Variants in NCAM1 observed in about 807,000 individuals in gnomAD.
NCAM1 encodes antigen recognized by monoclonal antibody 5.1H11.
A neutral mutation model predicts 109.8 loss-of-function variants in NCAM1; 14 were observed. The ratio of observed to expected loss-of-function variants is 0.13; its 90% CI spans 0.08 to 0.20. The LOEUF is 0.20. Among genes scored for constraint, NCAM1 ranks in the 10% least tolerant of loss-of-function variants. NCAM1 has a pLI of 1.00. For missense variants in NCAM1, 774 were observed against 1,109.9 expected (o/e 0.70, Z 4.30); for synonymous variants, 418 against 442.9 (o/e 0.94, Z 0.70).
intron 1 of NCAM1, among the ~76,000 whole-genome samples, chr11:113,041,844 AC>A (rs1290523042): frequency 1.3e-5 from 2 of 151,978 alleles, no homozygotes; most frequent in Non-Finnish European, 2.9e-5. Context: ...GAAACACTTT[AC>A]CCCTTTACCT....
intron 1 of NCAM1, among the ~76,000 whole-genome samples, chr11:113,064,634 T>C (rs1316959882): frequency 6.6e-6 from 1 of 152,178 alleles, no homozygotes; most frequent in African/African-American, 2.4e-5. Flanking sequence ...CTGTCCCCAT[T>C]TTTTAGGTCA....
intron 18 of NCAM1, 129 bp downstream of exon 18, chr11:113,270,524 G>A: frequency 1.2e-6 from 1 of 837,408 alleles, no homozygotes; most frequent in Non-Finnish European, 1.9e-6. Context: ...TTGGAACCCT[G>A]ATGGGGGAAA....
chr11:113,214,937 T>C (rs1282110265), intron 8 of NCAM1, among the ~76,000 whole-genome samples: 2 of 152,236 alleles, frequency 1.3e-5, no homozygotes, highest in East Asian at 1.9e-4. Flanking sequence ...CTTTTTCTTG[T>C]GTTTGTATAC....
chr11:113,101,550 A>G (rs782322882), intron 1 of NCAM1, among the ~76,000 whole-genome samples: 7 of 151,396 alleles, frequency 4.6e-5, no homozygotes, highest in Non-Finnish European at 8.8e-5. Context: ...TTTTTCCCCC[A>G]TTTGCTTTCT....
chr11:113,051,137 G>T (rs868986923), intron 1 of NCAM1, among the ~76,000 whole-genome samples: 6 of 152,174 alleles, frequency 3.9e-5, no homozygotes, highest in Non-Finnish European at 8.8e-5. Context: ...AAGAGCATTT[G>T]TGGTACTTGT....
intron 1 of NCAM1, among the ~76,000 whole-genome samples, chr11:113,200,968 GTTTTCCCCTCTGA>G (rs1944036620): frequency 1.3e-5 from 2 of 152,066 alleles, no homozygotes; most frequent in Admixed American, 6.5e-5. Context: ...GGAAGTCTGG[GTTTTCCCCTCTGA>G]TTTTCACAGA....
intron 17 of NCAM1, among the ~76,000 whole-genome samples, chr11:113,267,639 C>A (rs969700423): frequency 5.9e-5 from 9 of 152,168 alleles, no homozygotes; most frequent in Non-Finnish European, 8.8e-5. Context: ...GAGTCTGCAG[C>A]AGATGGTGGG....
chr11:113,238,971 C>T (rs782354803), intron 14 of NCAM1, among the ~76,000 whole-genome samples: 3 of 152,170 alleles, frequency 2.0e-5, no homozygotes, highest in South Asian at 2.1e-4. Context: ...GCTTGAAGTT[C>T]GTTGAGATGT....
intron 1 of NCAM1, among the ~76,000 whole-genome samples, chr11:113,109,461 T>C (rs1439180658): frequency 5.9e-5 from 9 of 152,080 alleles, no homozygotes; most frequent in African/African-American, 2.2e-4. Flanking sequence ...TAGTGCTATG[T>C]GATGAGAGCA....
Position 113,009,316 on chromosome 11 carries a change from T to TTTTGTTGTTG in NCAM1, c.52+47655_52+47656insGTTGTTGTTT, listed in dbSNP as rs1320684872. Reference sequence around the variant, plus strand: ...TAATTGGAAGGGTTTTTTCGGGTTTTTTTTTTTTTTTTTTTTTTTTTTTTT... The same window carrying TTTTGTTGTTG: ...TAATTGGAAGGGTTTTTTCGGGTTTTTTTGTTGTTGTTTTTTTTTTTTTTTTTTTTTTTTT... On this transcript the variant is annotated intron_variant, in intron 1 of 19. Transcript: ENST00000316851. Among the ~76,000 whole-genome samples the TTTTGTTGTTG allele has an allele frequency of 5.0e-3, 500 of 99,134 alleles. 9 individuals are homozygous for TTTTGTTGTTG. The highest frequency in any genetic ancestry group is 0.015 in the Middle Eastern group (4 of 260). The allele number at this position is 99,134 out of a possible 152,430, so 65.0% of individuals were successfully genotyped here. A position where few individuals can be genotyped will look rare whatever the true frequency, so the allele number is the denominator to read the frequency against.
intron 1 of NCAM1, among the ~76,000 whole-genome samples, chr11:113,057,052 A>T (rs1953739243): frequency 6.6e-6 from 1 of 152,182 alleles, no homozygotes; most frequent in Non-Finnish European, 1.5e-5. Flanking sequence ...CTACATTAGT[A>T]ATGATTGTTG....
chr11:113,159,759 G>T (rs542659964), intron 1 of NCAM1, among the ~76,000 whole-genome samples: 11 of 151,806 alleles, frequency 7.2e-5, no homozygotes, highest in Middle Eastern at 3.4e-3. Flanking sequence ...ACAACGTGCA[G>T]GTTAGTTACA....
chr11:113,153,319 G>A (rs2136286803), intron 1 of NCAM1, among the ~76,000 whole-genome samples: 1 of 152,308 alleles, frequency 6.6e-6, no homozygotes, highest in African/African-American at 2.4e-5. Context: ...GGGATTACAG[G>A]CGTGAGCCAC....
chr11:113,127,334 C>T (rs1209775537), intron 1 of NCAM1, among the ~76,000 whole-genome samples: 1 of 152,182 alleles, frequency 6.6e-6, no homozygotes, highest in Admixed American at 6.5e-5. Flanking sequence ...GCAAAACCTC[C>T]GTGTCCACTC....
intron 1 of NCAM1, among the ~76,000 whole-genome samples, chr11:113,000,464 G>A (rs1591232039): frequency 1.3e-5 from 2 of 152,194 alleles, no homozygotes; most frequent in Non-Finnish European, 2.9e-5. Flanking sequence ...AGTATTATTA[G>A]TATTATTATT....
intron 1 of NCAM1, among the ~76,000 whole-genome samples, chr11:113,192,549 G>A (rs1213892322): frequency 6.6e-6 from 1 of 152,190 alleles, no homozygotes; most frequent in Admixed American, 6.5e-5. Context: ...CATTTGTCCA[G>A]CTTATTTAGC....
chr11:112,982,823 T>G (rs1286943484), intron 1 of NCAM1, among the ~76,000 whole-genome samples: 1 of 151,888 alleles, frequency 6.6e-6, no homozygotes, highest in Non-Finnish European at 1.5e-5. Flanking sequence ...AAGGTGACCC[T>G]GAGATTAAAG....
At chr11:113,115,200 G>C (rs1292278966) in intron 1 of NCAM1, among the ~76,000 whole-genome samples, 1 of 152,054 alleles carries the variant, frequency 6.6e-6, no homozygotes, top group Non-Finnish European at 1.5e-5. Flanking sequence ...AGTGCAGAAG[G>C]AGTGCAAAAA....
At chr11:113,263,734 C>A in intron 17 of NCAM1, 1 of 985,498 alleles carries the variant, frequency 1.0e-6, no homozygotes, top group Middle Eastern at 5.2e-4. Context: ...GGCCGTGGTT[C>A]AGCAGTGACC....
Sources: gnomAD v4.1 joint callset for allele counts (sites outside exome capture counted in the v4.1 genomes callset) on GRCh38, gnomAD v4.1.1 for gene constraint, MANE v1.5 for transcripts, NCBI Gene and HGNC (gene_info 2026-07-23, HGNC 2026-07-21) for gene names.